AKT3: variants seen among roughly 807,000 people sequenced by gnomAD.
The protein encoded by AKT3 is AKT serine/threonine kinase 3, also known as RAC-gamma serine/threonine-protein kinase.
A neutral mutation model predicts 65.3 loss-of-function variants in AKT3; 15 were observed. The ratio of observed to expected loss-of-function variants is 0.23; its 90% CI spans 0.15 to 0.35. The LOEUF (loss-of-function observed/expected upper bound fraction) is 0.35, where lower values mean the gene tolerates loss of function less well. Ranked by LOEUF, AKT3 falls within the 10% of genes least tolerant of loss-of-function variation. The probability of loss-of-function intolerance (pLI) is 1.00; values close to 1 mark genes in which losing one functional copy is unlikely to be tolerated. For synonymous variants in AKT3, 206 were observed against 183.8 expected (o/e 1.12, Z -0.98); for missense variants, 243 against 576.5 (o/e 0.42, Z 5.92).
At chr1:243,826,136 A>G (rs560678559) in intron 2 of AKT3, among the ~76,000 whole-genome samples, 118 of 152,298 alleles carry the variant, frequency 7.7e-4, no homozygotes, top group Admixed American at 1.4e-3. Context: ...CATCTCAAAA[A>G]AGAAAAAAAA....
intron 3 of AKT3, among the ~76,000 whole-genome samples, chr1:243,677,319 G>A (rs1464956648): frequency 6.6e-6 from 1 of 152,046 alleles, no homozygotes; most frequent in Admixed American, 6.6e-5. Context: ...TTCATCATAT[G>A]CTGTGATTTA....
At chr1:243,602,995 C>T (rs1184931387) in intron 8 of AKT3, among the ~76,000 whole-genome samples, 3 of 152,086 alleles carry the variant, frequency 2.0e-5, no homozygotes, top group Non-Finnish European at 4.4e-5. Flanking sequence ...GTAGAGACTT[C>T]CTAAACCAAA....
At chr1:243,742,633 AAT>A (rs1688232765) in intron 2 of AKT3, among the ~76,000 whole-genome samples, 1 of 152,156 alleles carries the variant, frequency 6.6e-6, no homozygotes, top group East Asian at 1.9e-4. Flanking sequence ...TCAATAAATA[AAT>A]AAAACTCTGA....
chr1:243,761,690 C>G (rs867453739), intron 2 of AKT3, among the ~76,000 whole-genome samples: 1 of 152,216 alleles, frequency 6.6e-6, no homozygotes, highest in African/African-American at 2.4e-5. Context: ...CATTTAAACA[C>G]ATTAAATGAC....
intron 4 of AKT3, among the ~76,000 whole-genome samples, chr1:243,649,438 G>C (rs1253109676): frequency 6.6e-6 from 1 of 150,978 alleles, no homozygotes; most frequent in African/African-American, 2.4e-5. Flanking sequence ...CACACTTTAA[G>C]TTCTGGGGTA....
At chr1:243,662,217 A>C (rs982341120) in intron 4 of AKT3, among the ~76,000 whole-genome samples, 5 of 152,174 alleles carry the variant, frequency 3.3e-5, no homozygotes, top group South Asian at 2.1e-4. Flanking sequence ...TATATACCCA[A>C]AGGACTATAA....
intron 8 of AKT3, 23 bp from the exon 9 acceptor site, chr1:243,573,071 A>G (rs1338410900): frequency 1.9e-6 from 3 of 1,609,498 alleles, no homozygotes; most frequent in East Asian, 4.5e-5. Context: ...CAGCAGGGAC[A>G]GGATTGTAAT....
intron 3 of AKT3, among the ~76,000 whole-genome samples, chr1:243,694,210 TAC>T (rs1460676650): frequency 1.3e-5 from 2 of 152,170 alleles, no homozygotes; most frequent in African/African-American, 2.4e-5. Context: ...ACTAAAAAGC[TAC>T]ACTGGCTTTA....
At position 243,489,526 on chromosome 1, in the gene AKT3, T is replaced by C. The variant is rs868164467; in HGVS notation, c.*7-1076A>G. Among the ~76,000 whole-genome samples, 5 of 152,224 alleles carry C rather than the reference T, an allele frequency of 3.3e-5. No homozygotes were observed. The Middle Eastern group carries it at 0.01, about 311-fold the overall frequency. On this transcript the variant is annotated intron_variant, in intron 13 of 13. Transcript: ENST00000336199. The stretch of plus-strand genomic sequence containing the variant: ...CTCTGAAGGTCGTGTATGGTTTGAA[T>C]TGGTTGAGGAAAGAGGTGTTCCCAA...
chr1:243,777,353 GT>G (rs1690619312), intron 2 of AKT3, among the ~76,000 whole-genome samples: 1 of 152,208 alleles, frequency 6.6e-6, no homozygotes, highest in South Asian at 2.1e-4. Flanking sequence ...CTCCTGCCGT[GT>G]GGCCTGGCAG....
In AKT3 at chr1:243,569,418, G is replaced by C. The variant is rs567125515; in HGVS notation, c.819+3508C>G. On this transcript the variant is annotated intron_variant, in intron 9 of 13. Transcript: ENST00000673466. Reference sequence around the variant, plus strand: ...AGCAGTGGCTTAAGATTTCTATATAGGGGGAAATCCAGTGACCATCTAGTT... The same window carrying C: ...AGCAGTGGCTTAAGATTTCTATATACGGGGAAATCCAGTGACCATCTAGTT... Among the ~76,000 whole-genome samples the C allele has an allele frequency of 1.1e-4, 17 of 152,282 alleles. No homozygotes were observed. The South Asian group carries it at 2.5e-3, about 22-fold the overall frequency.
chr1:243,748,671 A>G (rs1382069865), intron 2 of AKT3, among the ~76,000 whole-genome samples: 1 of 152,164 alleles, frequency 6.6e-6, no homozygotes, highest in Non-Finnish European at 1.5e-5. Context: ...TAATGCAAAC[A>G]CAGTATTAAT....
chr1:243,643,533 C>T (rs1325934475), intron 5 of AKT3, among the ~76,000 whole-genome samples: 2 of 152,202 alleles, frequency 1.3e-5, no homozygotes. Flanking sequence ...AAACATAGAA[C>T]CACATTTTCT....
intron 12 of AKT3, among the ~76,000 whole-genome samples, chr1:243,544,605 A>T (rs1454970326): frequency 6.6e-6 from 1 of 152,164 alleles, no homozygotes; most frequent in Non-Finnish European, 1.5e-5. Context: ...TGGCCAACAG[A>T]GACCTTGCCT....
At chr1:243,806,907 CTCAAATATGGATT>C (rs1192851433) in intron 2 of AKT3, among the ~76,000 whole-genome samples, 3 of 152,040 alleles carry the variant, frequency 2.0e-5, no homozygotes, top group Admixed American at 6.5e-5. Flanking sequence ...AAATATGGAT[CTCAAATATGGATT>C]ACATATGGCC....
intron 8 of AKT3, among the ~76,000 whole-genome samples, chr1:243,612,328 C>T (rs369020185): frequency 5.3e-5 from 8 of 151,876 alleles, no homozygotes; most frequent in African/African-American, 1.9e-4. Context: ...TTGCCCAGGC[C>T]GGTCTCAAAC....
intron 2 of AKT3, among the ~76,000 whole-genome samples, chr1:243,738,169 G>A (rs912467212): frequency 6.6e-6 from 1 of 152,108 alleles, no homozygotes; most frequent in Non-Finnish European, 1.5e-5. Context: ...TTACAATACA[G>A]CCAGCTACCC....
intron 12 of AKT3, among the ~76,000 whole-genome samples, chr1:243,542,070 T>C (rs1049316007): frequency 6.6e-5 from 10 of 152,218 alleles, no homozygotes; most frequent in African/African-American, 2.2e-4. Flanking sequence ...ATTGCATTCA[T>C]GGATCTGAAG....
intron 2 of AKT3, among the ~76,000 whole-genome samples, chr1:243,785,966 T>C (rs1381092605): frequency 6.6e-6 from 1 of 152,178 alleles, no homozygotes; most frequent in Non-Finnish European, 1.5e-5. Context: ...TTAGTCCAGC[T>C]TCAGAAAGAT....
Sources: gnomAD v4.1 joint callset for allele counts (sites outside exome capture counted in the v4.1 genomes callset) on GRCh38, gnomAD v4.1.1 for gene constraint, MANE v1.5 for transcripts, NCBI Gene and HGNC (gene_info 2026-07-23, HGNC 2026-07-21) for gene names.